The following PRKN variants were observed in gnomAD, a reference collection of about 807,000 sequenced individuals.
The protein encoded by PRKN is E3 ubiquitin-protein ligase parkin.
In PRKN, 56 loss-of-function variants were observed where a neutral mutation model predicts 59.5. The ratio of observed to expected loss-of-function variants is 0.94; its 90% confidence interval spans 0.76 to 1.18. The LOEUF is 1.18. PRKN is among the 50% of genes most tolerant of loss of function. PRKN has a pLI of 0.00. For synonymous variants in PRKN, 250 were observed against 222.1 expected, an observed-to-expected ratio of 1.13 and a Z score of -1.12; for missense variants, 657 against 596.4, an observed-to-expected ratio of 1.10 and a Z score of -1.06.
intron 2 of PRKN, among the ~76,000 whole-genome samples, chr6:162,321,115 T>C (rs1783003337): frequency 6.6e-6 from 1 of 151,868 alleles, no homozygotes; most frequent in African/African-American, 2.4e-5. Context: ...CAATAAAAAT[T>C]ATACTGTCTT....
rs536888030 is a variant in PRKN at position 161,701,606 on chromosome 6, TA to T, written c.871+84165del. ...TTGAACCATATTCTTTTCAGTGTCA[TA>T]ATCAATGCCAGACAATCAATTAAAA... is the stretch of plus-strand genomic sequence containing the variant. On this transcript the variant is annotated intron_variant, in intron 7 of 11. Coordinates refer to ENST00000366898, the MANE Select transcript of PRKN (RefSeq NM_004562.3). Among the ~76,000 whole-genome samples, 596 of 152,330 alleles carry T rather than the reference TA, an allele frequency of 3.9e-3. 3 individuals carry two copies. The highest frequency in any genetic ancestry group is 0.017 in the Middle Eastern group (5 of 294).
rs74593585 is a variant in PRKN at position 161,998,272 on chromosome 6, A to G, written c.619-24855T>C. On this transcript the variant is annotated intron_variant, in intron 5 of 11. Transcript: ENST00000366898. ...TCAGCCTTAACTCCTCAAACACACA[A>G]AGTAGATACACTGTCATAAATCTTT... Among the ~76,000 whole-genome samples, 780 of 152,142 alleles carry G rather than the reference A, an allele frequency of 5.1e-3. 5 individuals carry two copies. The highest frequency in any genetic ancestry group is 8.9e-3 in the Non-Finnish European group (607 of 67,988).
chr6:162,288,470 C>T (rs80228058), intron 2 of PRKN, among the ~76,000 whole-genome samples: 5,635 of 152,132 alleles, frequency 0.037, 129 homozygotes, highest in African/African-American at 0.067. Flanking sequence ...TTATCCCCGG[C>T]GGGCCTGAAC....
chr6:161,669,682 G>A (rs1445513545), intron 7 of PRKN, among the ~76,000 whole-genome samples: 1 of 152,232 alleles, frequency 6.6e-6, no homozygotes, highest in Admixed American at 6.5e-5. Flanking sequence ...TCAACTCCCA[G>A]AAGAAAGTGA....
At chr6:162,705,506 G>C (rs1778307906) in intron 1 of PRKN, among the ~76,000 whole-genome samples, 1 of 152,128 alleles carries the variant, frequency 6.6e-6, no homozygotes, top group Non-Finnish European at 1.5e-5. Context: ...ACCAGTCAAG[G>C]AACTGGCTTT....
At chr6:161,910,062 T>G (rs1440911605) in intron 6 of PRKN, among the ~76,000 whole-genome samples, 3 of 152,106 alleles carry the variant, frequency 2.0e-5, no homozygotes, top group African/African-American at 7.2e-5. Flanking sequence ...GGTTCAAGTC[T>G]TCAGTGGAGG....
chr6:162,657,450 T>C (rs749067561), intron 1 of PRKN, among the ~76,000 whole-genome samples: 2 of 152,152 alleles, frequency 1.3e-5, no homozygotes, highest in Non-Finnish European at 2.9e-5. Context: ...CATCAATATG[T>C]GTTTTATTAC....
chr6:162,469,983 C>T (rs550605849), intron 1 of PRKN, among the ~76,000 whole-genome samples: 1 of 152,218 alleles, frequency 6.6e-6, no homozygotes, highest in Non-Finnish European at 1.5e-5. Context: ...AATAGTAAAC[C>T]TGTTTTACAC....
chr6:161,917,515 A>G (rs1778615588), intron 6 of PRKN, among the ~76,000 whole-genome samples: 2 of 152,216 alleles, frequency 1.3e-5, no homozygotes, highest in Non-Finnish European at 2.9e-5. Context: ...TGTGGTAGTA[A>G]TAAGGTTTTA....
intron 6 of PRKN, among the ~76,000 whole-genome samples, chr6:161,950,886 A>T (rs1376711226): frequency 6.6e-6 from 1 of 151,766 alleles, no homozygotes; most frequent in Non-Finnish European, 1.5e-5. Flanking sequence ...TTTCAGGAGA[A>T]GGAAGGGCAG....
At position 161,483,293 on chromosome 6, in the gene PRKN, T is replaced by C. The variant is rs909679265; in HGVS notation, c.1083+65561A>G. Among the ~76,000 whole-genome samples the C allele has an allele frequency of 2.0e-5, 3 of 152,214 alleles. No homozygotes were observed. The highest frequency in any genetic ancestry group is 2.9e-5 in the Non-Finnish European group (2 of 68,044). ...ATTAATTGACTGAATTGGCTTTGTA[T>C]TTCAGGCCAACTCCAAAGCACTGGT... On this transcript the variant is annotated intron_variant, in intron 9 of 11. Transcript: ENST00000366898. This position sits in a 1 kb window ranked among gnomAD's most constrained non-coding sequence, Gnocchi z 5.0.
At chr6:162,453,546 C>G (rs568995923) in intron 1 of PRKN, among the ~76,000 whole-genome samples, 14 of 152,168 alleles carry the variant, frequency 9.2e-5, no homozygotes, top group African/African-American at 3.4e-4. Flanking sequence ...CCATCCTAAC[C>G]AACTATGTAA....
chr6:162,704,207 C>G (rs1778259434), intron 1 of PRKN, among the ~76,000 whole-genome samples: 1 of 152,142 alleles, frequency 6.6e-6, no homozygotes, highest in Non-Finnish European at 1.5e-5. Context: ...GGGACTATAC[C>G]ACCAGGCTCA....
chr6:161,915,739 G>C (rs1046936702), intron 6 of PRKN, among the ~76,000 whole-genome samples: 3 of 152,176 alleles, frequency 2.0e-5, no homozygotes, highest in Non-Finnish European at 2.9e-5. Context: ...GTTTAACTTA[G>C]CATTCTCATT....
At chr6:162,312,767 C>A (rs1310592064) in intron 2 of PRKN, among the ~76,000 whole-genome samples, 1 of 152,124 alleles carries the variant, frequency 6.6e-6, no homozygotes, top group Non-Finnish European at 1.5e-5. Context: ...GCTGTGCACA[C>A]ACACATGCCA....
chr6:161,365,077 T>G (rs2114874440), intron 10 of PRKN, among the ~76,000 whole-genome samples: 1 of 152,142 alleles, frequency 6.6e-6, no homozygotes, highest in South Asian at 2.1e-4. Context: ...CATTCTAGGG[T>G]AATCAATACA....
intron 9 of PRKN, among the ~76,000 whole-genome samples, chr6:161,543,738 C>T (rs1467466892): frequency 6.6e-6 from 1 of 152,058 alleles, no homozygotes; most frequent in African/African-American, 2.4e-5. Flanking sequence ...AATTATCACC[C>T]AGACATGTAA....
intron 7 of PRKN, among the ~76,000 whole-genome samples, chr6:161,679,359 G>T (rs1785212883): frequency 6.6e-6 from 1 of 152,112 alleles, no homozygotes; most frequent in South Asian, 2.1e-4. Context: ...AATCCTGGGA[G>T]GGTCTGCTTC....
intron 5 of PRKN, among the ~76,000 whole-genome samples, chr6:161,978,369 C>T (rs1781133741): frequency 6.6e-6 from 1 of 152,182 alleles, no homozygotes; most frequent in South Asian, 2.1e-4. Context: ...ATTTCTGCTC[C>T]TGTACAATCA....
Sources: allele counts gnomAD v4.1 joint callset (sites outside exome capture counted in the v4.1 genomes callset), GRCh38; gene constraint gnomAD v4.1.1; non-coding constraint Gnocchi (gnomAD v3.1); transcripts MANE v1.5; gene names NCBI Gene and HGNC (gene_info 2026-07-23, HGNC 2026-07-21).